Variants in COL23A1 observed in about 807,000 individuals in gnomAD.
COL23A1 encodes the protein collagen type XXIII alpha 1 chain.
COL23A1 carries 97 observed loss-of-function variants against 99.3 expected under a neutral mutation model. The observed-to-expected ratio is 0.98, with a 90% CI of 0.83 to 1.16. COL23A1 has a LOEUF of 1.16. COL23A1 is among the 50% of genes most tolerant of loss of function. COL23A1 has a pLI of 0.00. For synonymous variants in COL23A1, 320 were observed against 308.2 expected (o/e 1.04, Z -0.40); for missense variants, 762 against 757.4 (o/e 1.01, Z -0.07).
chr5:178,256,492 C>A, intron 14 of COL23A1, 95 bp from the exon 15 acceptor site: 2 of 1,226,082 alleles, frequency 1.6e-6, no homozygotes, highest in Non-Finnish European at 2.2e-6. Context: ...CCAGGAGGGC[C>A]CAGGGCCCGA....
In COL23A1 at chr5:178,306,953, A is replaced by C. The variant is rs1758391644; in HGVS notation, c.362-34T>G. On this transcript the variant is annotated intron_variant, in intron 2 of 28. Coordinates refer to ENST00000390654, the MANE Select transcript of COL23A1 (RefSeq NM_173465.4). The surrounding 1 kb of genome is among the most constrained non-coding windows in gnomAD (Gnocchi z 4.1). ...GAAAACAAGAATGCATTCATTGAGAAGGGAAGCCAGTGGACTTGGCTGCGT... is the reference window on the plus strand; with the variant it reads ...GAAAACAAGAATGCATTCATTGAGACGGGAAGCCAGTGGACTTGGCTGCGT... 4 of 1,460,154 alleles carry C rather than the reference A, an allele frequency of 2.7e-6. No homozygotes were observed. The African/African-American group carries it at 4.4e-5, about 16-fold the overall frequency. The allele number at this position is 1,460,154 out of a possible 1,614,324, so 90.4% of individuals were successfully genotyped here.
rs73807604 is a variant in COL23A1, at chr5:178,334,290, A to C, written c.362-27371T>G. ...CCACATCAGCAAGACGACCCACAAC[A>C]ATTCTCTGAGATCAGTCTCATGACG... On this transcript the variant is annotated intron_variant, in intron 2 of 28. Coordinates refer to ENST00000390654, the MANE Select transcript of COL23A1 (RefSeq NM_173465.4). Among the ~76,000 whole-genome samples the C allele has an allele frequency of 6.1e-3, 929 of 152,304 alleles. 10 individuals are homozygous for C. The highest frequency in any genetic ancestry group is 0.021 in the African/African-American group (893 of 41,554).
intron 2 of COL23A1, 128 bp downstream of exon 2, chr5:178,560,554 C>T: frequency 1.3e-6 from 1 of 757,838 alleles, no homozygotes; most frequent in East Asian, 2.8e-5. Flanking sequence ...GAAAGAAAGG[C>T]CCCAGGCCAG....
intron 2 of COL23A1, among the ~76,000 whole-genome samples, chr5:178,509,044 A>T (rs921690904): frequency 6.6e-6 from 1 of 152,152 alleles, no homozygotes; most frequent in Non-Finnish European, 1.5e-5. Context: ...AAGGTCAAGT[A>T]CCTTTCCCTC....
intron 18 of COL23A1, among the ~76,000 whole-genome samples, chr5:178,249,429 G>A (rs1581447248): frequency 6.6e-6 from 1 of 152,220 alleles, no homozygotes; most frequent in East Asian, 1.9e-4. Context: ...CGCAGGGCAG[G>A]GGCCGGGGCA....
At position 178,531,118 on chromosome 5, in the gene COL23A1, C is replaced by T. The variant is rs546504878; in HGVS notation, c.361+29564G>A. The stretch of plus-strand genomic sequence containing the variant: ...CCAACCTCAGGTAATCCACTTGCCT[C>T]GGCCTCTCGAAGTGGTGGGATTACA... On this transcript the variant is annotated intron_variant, in intron 2 of 28. Transcript: ENST00000390654. 9.8e-5 allele frequency among the ~76,000 whole-genome samples: 15 copies of T among 152,296 alleles called. 1 individual carries two copies. In the South Asian group the frequency reaches 2.5e-3, roughly 25 times the overall value.
chr5:178,453,022 G>A (rs561536652), intron 2 of COL23A1, among the ~76,000 whole-genome samples: 3 of 152,164 alleles, frequency 2.0e-5, no homozygotes, highest in African/African-American at 7.2e-5. Flanking sequence ...CATGAGCAGA[G>A]GTCTGGTTAA....
At chr5:178,554,884 A>G (rs986730343) in intron 2 of COL23A1, among the ~76,000 whole-genome samples, 2 of 152,244 alleles carry the variant, frequency 1.3e-5, no homozygotes, top group African/African-American at 4.8e-5. Context: ...TGAGCATTTT[A>G]AAGCACGAAG....
chr5:178,465,710 C>T (rs1411792458), intron 2 of COL23A1, among the ~76,000 whole-genome samples: 2 of 152,196 alleles, frequency 1.3e-5, no homozygotes, highest in African/African-American at 4.8e-5. Context: ...AGCAAAGTCC[C>T]CGCGGGGTGG....
intron 2 of COL23A1, among the ~76,000 whole-genome samples, chr5:178,526,318 G>A (rs1486114810): frequency 1.3e-5 from 2 of 152,200 alleles, no homozygotes; most frequent in East Asian, 3.9e-4. Flanking sequence ...GGGGGGCCAA[G>A]CAAAGCCCCA....
At chr5:178,432,921 C>T (rs1043548738) in intron 2 of COL23A1, among the ~76,000 whole-genome samples, 3 of 152,168 alleles carry the variant, frequency 2.0e-5, no homozygotes, top group Admixed American at 6.5e-5. Flanking sequence ...CTTCACCCAC[C>T]AACCAATTCT....
chr5:178,259,663 C>A (rs941596948), intron 12 of COL23A1, 58 bp downstream of exon 12: 4 of 1,536,148 alleles, frequency 2.6e-6, no homozygotes, highest in African/African-American at 1.4e-5. Flanking sequence ...AGCCCCTGCC[C>A]TTCTCTCCAG....
At chr5:178,246,338 T>A (rs1764692889) in intron 23 of COL23A1, 31 bp from the exon 24 acceptor site, 2 of 1,559,410 alleles carry the variant, frequency 1.3e-6, no homozygotes, top group Non-Finnish European at 1.7e-6. Flanking sequence ...TCAAGAGGCA[T>A]GCTAGTGACA....
At chr5:178,332,039 C>G (rs1269093456) in intron 2 of COL23A1, among the ~76,000 whole-genome samples, 1 of 152,174 alleles carries the variant, frequency 6.6e-6, no homozygotes, top group Non-Finnish European at 1.5e-5. Flanking sequence ...CTGAGCTGGG[C>G]CTGGCACTGT....
At chr5:178,499,345 A>T (rs1323407656) in intron 2 of COL23A1, among the ~76,000 whole-genome samples, 2 of 152,330 alleles carry the variant, frequency 1.3e-5, no homozygotes, top group Non-Finnish European at 2.9e-5. Context: ...AAAATCAGAC[A>T]CACGTTGCCC....
intron 1 of COL23A1, among the ~76,000 whole-genome samples, chr5:178,582,633 G>T (rs565129772): frequency 6.6e-6 from 1 of 152,140 alleles, no homozygotes; most frequent in Admixed American, 6.5e-5. Context: ...AGGCCCCCAG[G>T]CTCCTCATCT....
At chr5:178,242,497 C>T (rs977178106) in intron 25 of COL23A1, 103 bp from the exon 26 acceptor site, 42 of 1,180,194 alleles carry the variant, frequency 3.6e-5, no homozygotes, top group East Asian at 4.9e-5. Context: ...CCCACTTTCC[C>T]CCCTGCATAT....
At chr5:178,584,798 T>G (rs1024688909) in intron 1 of COL23A1, among the ~76,000 whole-genome samples, 1 of 152,192 alleles carries the variant, frequency 6.6e-6, no homozygotes, top group Non-Finnish European at 1.5e-5. Flanking sequence ...GCACTGTATG[T>G]GGTCTCTGGT....
chr5:178,590,154 T>A lies in COL23A1; in HGVS notation c.44A>T (p.Lys15Met). 1 of 1,226,362 alleles carries A rather than the reference T, an allele frequency of 8.2e-7. No individual in the cohort carries two copies. Among genetic ancestry groups the A allele is most frequent in the Non-Finnish European group, 1.0e-6 (1 of 988,848 alleles). The allele number at this position is 1,226,362 out of a possible 1,614,324, so 76.0% of individuals were successfully genotyped here. A position where few individuals can be genotyped will look rare whatever the true frequency, so the allele number is the denominator to read the frequency against. ...ERAGGGGDAGKGNAAGGGGGG... is the reference protein window; with the variant it reads ...ERAGGGGDAGMGNAAGGGGGG... ...GCCGCCGCCGCCCGCCGCATTGCCCTTCCCCGCGTCGCCGCCGCCACCGGC... is the reference window on the plus strand; with the variant it reads ...GCCGCCGCCGCCCGCCGCATTGCCCATCCCCGCGTCGCCGCCGCCACCGGC... Residue 15 changes from lysine (K) to methionine (M), a missense_variant, in exon 1 of 29, where the codon AAG becomes ATG. Physicochemically the swap from Lys to Met is moderately conservative, Grantham distance 95. Coordinates refer to ENST00000390654, the MANE Select transcript of COL23A1 (RefSeq NM_173465.4). The surrounding 1 kb of genome is among the most constrained non-coding windows in gnomAD (Gnocchi z 5.7).
Sources: allele counts gnomAD v4.1 joint callset (sites outside exome capture counted in the v4.1 genomes callset), GRCh38; gene constraint gnomAD v4.1.1; non-coding constraint Gnocchi (gnomAD v3.1); transcripts MANE v1.5; gene names NCBI Gene and HGNC (gene_info 2026-07-23, HGNC 2026-07-21).